PI15: variants seen among roughly 807,000 people sequenced by gnomAD.
The protein encoded by PI15 is 25 kDa trypsin inhibitor.
PI15 carries 18 observed loss-of-function variants against 31.0 expected under a neutral mutation model. That is an observed-to-expected ratio of 0.58 (90% CI 0.40 to 0.86). The LOEUF (loss-of-function observed/expected upper bound fraction) is 0.86, where lower values mean the gene tolerates loss of function less well. Ranked by LOEUF, PI15 falls within the 40% of genes least tolerant of loss-of-function variation. The pLI, the probability that PI15 is intolerant of heterozygous loss-of-function variation, is 0.00. For synonymous variants in PI15, 118 were observed against 119.1 expected, an observed-to-expected ratio of 0.99 and a Z score of 0.06; for missense variants, 282 against 328.1, an observed-to-expected ratio of 0.86 and a Z score of 1.09.
rs1266090208 is a variant in PI15 at position 74,852,703 on chromosome 8, T to A, written c.*3450T>A. 6.6e-6 allele frequency: 1 copy of A among 152,122 alleles called. No individual in the cohort carries two copies. Among genetic ancestry groups the A allele is most frequent in the Non-Finnish European group, 1.5e-5 (1 of 67,966 alleles). The allele number at this position is 152,122 out of a possible 1,614,324, so 9.4% of individuals were successfully genotyped here. On this transcript the variant is annotated 3_prime_UTR_variant, in exon 6 of 6. Coordinates refer to ENST00000260113, the MANE Select transcript of PI15 (RefSeq NM_015886.5). ...TAATATATACCTATGTGAAACCAAC[T>A]TATCTGCATAATTAAATCTAATACA...
At chr8:74,832,408 C>T (rs185041024) in intron 2 of PI15, among the ~76,000 whole-genome samples, 25 of 152,120 alleles carry the variant, frequency 1.6e-4, no homozygotes, top group African/African-American at 2.4e-5. Flanking sequence ...GTATATCCTT[C>T]GGTAGTCAAA....
chr8:74,828,603 C>A (rs1489671721), intron 2 of PI15, among the ~76,000 whole-genome samples: 1 of 152,048 alleles, frequency 6.6e-6, no homozygotes, highest in Non-Finnish European at 1.5e-5. Context: ...GGATTGTGAG[C>A]ATGTGAAAGA....
At position 74,825,291 on chromosome 8, in the gene PI15, C is replaced by T. The variant is rs1563563058; in HGVS notation, c.42C>T (p.Ser14=). Reference sequence around the variant, plus strand: ...CCGTCAGCAGTGCACTCCTGTTCTCCCTTCTCTGTGAAGCAAGTACCGTCG... The same window carrying T: ...CCGTCAGCAGTGCACTCCTGTTCTCTCTTCTCTGTGAAGCAAGTACCGTCG... ...ISAVSSALLF[S]LLCEASTVVL... is the part of the protein sequence containing the mutation. Residue 14 remains serine (S), a synonymous_variant, in exon 2 of 6, where the codon TCC becomes TCT. Coordinates refer to ENST00000260113, the MANE Select transcript of PI15 (RefSeq NM_015886.5). The T allele has an allele frequency of 6.2e-7, 1 of 1,613,452 alleles. No individual in the cohort carries two copies.
chr8:74,843,598 G>A (rs962722319), intron 2 of PI15, among the ~76,000 whole-genome samples: 1 of 152,114 alleles, frequency 6.6e-6, no homozygotes, highest in African/African-American at 2.4e-5. Flanking sequence ...ATGTGGTAGT[G>A]CGCACCTGCA....
chr8:74,849,258 A>G lies in PI15; in HGVS notation c.*5A>G. The G allele has an allele frequency of 6.2e-7, 1 of 1,607,506 alleles. No homozygotes were observed. Among genetic ancestry groups the G allele is most frequent in the Non-Finnish European group, 8.5e-7 (1 of 1,175,724 alleles). ...TACCTGTACTGGTTTAAATAAGTTT[A>G]CCTTTTCCTCCAGGAAATATAATGA... On this transcript the variant is annotated 3_prime_UTR_variant, in exon 6 of 6. Coordinates refer to ENST00000260113, the MANE Select transcript of PI15 (RefSeq NM_015886.5).
At chr8:74,838,785 G>T (rs1343747650) in intron 2 of PI15, among the ~76,000 whole-genome samples, 1 of 152,176 alleles carries the variant, frequency 6.6e-6, no homozygotes, top group Non-Finnish European at 1.5e-5. Flanking sequence ...TCAAGTTTAG[G>T]AGTGGAGTCC....
rs1811157475 is a variant in PI15, at chr8:74,854,798, A to G, written c.*5545A>G. 2 of 152,166 alleles carry G rather than the reference A, an allele frequency of 1.3e-5. No homozygotes were observed. The highest frequency in any genetic ancestry group is 4.1e-4 in the South Asian group (2 of 4,832). The allele number at this position is 152,166 out of a possible 1,614,324, so 9.4% of individuals were successfully genotyped here. On this transcript the variant is annotated 3_prime_UTR_variant, in exon 6 of 6. Coordinates refer to ENST00000260113, the MANE Select transcript of PI15 (RefSeq NM_015886.5). ...TAAATATGTCTCACATATTTATATAATCCTCAAATATACTGTACCATTTTA... is the reference window on the plus strand; with the variant it reads ...TAAATATGTCTCACATATTTATATAGTCCTCAAATATACTGTACCATTTTA...
At position 74,852,336 on chromosome 8, in the gene PI15, A is replaced by G. The variant is rs1811119731; in HGVS notation, c.*3083A>G. The G allele has an allele frequency of 6.6e-6, 1 of 152,108 alleles. No homozygotes were observed. The highest frequency in any genetic ancestry group is 1.9e-4 in the East Asian group (1 of 5,192). 9.4% of individuals were successfully genotyped at this position (152,108 alleles called of 1,614,324 possible). ...TGAAAAATTATAATTTTAGAATTAA[A>G]CTGATGGATTTCATTATAGAATTAT... On this transcript the variant is annotated 3_prime_UTR_variant, in exon 6 of 6. Transcript: ENST00000260113.
At chr8:74,832,066 T>C (rs1586952828) in intron 2 of PI15, among the ~76,000 whole-genome samples, 2 of 152,212 alleles carry the variant, frequency 1.3e-5, no homozygotes, top group East Asian at 3.9e-4. Flanking sequence ...TAGGATAGTC[T>C]AGGTATCCTC....
In PI15 at chr8:74,849,802, T is replaced by A. The variant is rs1170115757; in HGVS notation, c.*549T>A. The A allele has an allele frequency of 2.0e-5, 3 of 152,156 alleles. No individual in the cohort carries two copies. Among genetic ancestry groups the A allele is most frequent in the Non-Finnish European group, 4.4e-5 (3 of 68,028 alleles). 9.4% of individuals were successfully genotyped at this position (152,156 alleles called of 1,614,324 possible). On this transcript the variant is annotated 3_prime_UTR_variant, in exon 6 of 6. Transcript: ENST00000260113. ...AAATGATAATTTGTAAAATAACACTTAGTGATATCTGGAAATAATAATTCA... is the reference window on the plus strand; with the variant it reads ...AAATGATAATTTGTAAAATAACACTAAGTGATATCTGGAAATAATAATTCA...
At chr8:74,834,713 G>A (rs1810836286) in intron 2 of PI15, among the ~76,000 whole-genome samples, 1 of 152,184 alleles carries the variant, frequency 6.6e-6, no homozygotes, top group African/African-American at 2.4e-5. Context: ...GTGTGGCCCT[G>A]AGCAAGGAAT....
chr8:74,835,570 T>C (rs1448014796), intron 2 of PI15, among the ~76,000 whole-genome samples: 3 of 152,214 alleles, frequency 2.0e-5, no homozygotes, highest in Admixed American at 2.0e-4. Context: ...ATTCTGGGGA[T>C]AATTTCCGTA....
rs2128766871 is a variant in PI15 at position 74,851,057 on chromosome 8, C to T, written c.*1804C>T. Reference sequence around the variant, plus strand: ...ACTCACCATCTGGAGATTGAGTCTACTTGTTAATGAATGACTAGCCCAATT... The same window carrying T: ...ACTCACCATCTGGAGATTGAGTCTATTTGTTAATGAATGACTAGCCCAATT... On this transcript the variant is annotated 3_prime_UTR_variant, in exon 6 of 6. Transcript: ENST00000260113. 1.3e-5 allele frequency: 2 copies of T among 152,658 alleles called. No individual in the cohort carries two copies. The highest frequency in any genetic ancestry group is 2.9e-5 in the Non-Finnish European group (2 of 67,986). 9.5% of individuals were successfully genotyped at this position (152,658 alleles called of 1,614,324 possible).
chr8:74,835,639 C>T (rs1810851767), intron 2 of PI15, among the ~76,000 whole-genome samples: 1 of 152,160 alleles, frequency 6.6e-6, no homozygotes, highest in Non-Finnish European at 1.5e-5. Flanking sequence ...AACATGTGAG[C>T]ACTATGGGTG....
At chr8:74,844,936 C>A in intron 3 of PI15, 192 bp from the exon 4 acceptor site, 1 of 581,108 alleles carries the variant, frequency 1.7e-6, no homozygotes, top group South Asian at 2.2e-5. Flanking sequence ...CCAGCCCTGG[C>A]CATTTCCATG....
intron 2 of PI15, among the ~76,000 whole-genome samples, chr8:74,842,013 C>CT (rs142727868): frequency 0.19 from 29,523 of 151,418 alleles, 3,844 homozygotes; most frequent in Non-Finnish European, 0.28. Flanking sequence ...AAGAGTTTAT[C>CT]TTTTTTTTTC....
intron 2 of PI15, among the ~76,000 whole-genome samples, chr8:74,835,031 G>A (rs1363036043): frequency 4.6e-5 from 7 of 151,914 alleles, no homozygotes; most frequent in Admixed American, 6.6e-5. Flanking sequence ...AACTCATCCA[G>A]TCTTATGGAT....
At chr8:74,827,387 G>C (rs1256985447) in intron 2 of PI15, among the ~76,000 whole-genome samples, 1 of 152,104 alleles carries the variant, frequency 6.6e-6, no homozygotes, top group Admixed American at 6.6e-5. Context: ...ATTTTTTCTA[G>C]CTCTATTTTC....
Position 74,854,619 on chromosome 8 carries a change from T to C in PI15, c.*5366T>C, listed in dbSNP as rs1228715521. The C allele has an allele frequency of 6.6e-6, 1 of 152,116 alleles. No homozygotes were observed. The highest frequency in any genetic ancestry group is 1.5e-5 in the Non-Finnish European group (1 of 67,998). 9.4% of individuals were successfully genotyped at this position (152,116 alleles called of 1,614,324 possible). ...TGTACCTGTTAGCAGTCTTTCAGTTTGGGGGAGAATTAAATACTGTGCTAA... is the reference window on the plus strand; with the variant it reads ...TGTACCTGTTAGCAGTCTTTCAGTTCGGGGGAGAATTAAATACTGTGCTAA... On this transcript the variant is annotated 3_prime_UTR_variant, in exon 6 of 6. Transcript: ENST00000260113.
Sources: allele counts gnomAD v4.1 joint callset (sites outside exome capture counted in the v4.1 genomes callset), GRCh38; gene constraint gnomAD v4.1.1; transcripts MANE v1.5; gene names NCBI Gene and HGNC (gene_info 2026-07-23, HGNC 2026-07-21).